The following ZC3H12B variants were observed in gnomAD, a reference collection of about 807,000 sequenced individuals.
ZC3H12B encodes the protein zinc finger CCCH-type containing 12B.
In ZC3H12B, 7 loss-of-function variants were observed where a neutral mutation model predicts 43.9. The observed-to-expected ratio is 0.16, with a 90% CI of 0.09 to 0.30. The LOEUF is 0.30. Among genes scored for constraint, ZC3H12B ranks in the 10% least tolerant of loss-of-function variants. ZC3H12B has a pLI of 1.00. For missense variants in ZC3H12B, 475 were observed against 670.2 expected (o/e 0.71, Z 3.22); for synonymous variants, 222 against 241.7 (o/e 0.92, Z 0.76).
chrX:65,243,402 A>G, the ZC3H12B span, among the ~76,000 whole-genome samples: 1 of 112,156 alleles, frequency 8.9e-6, no homozygotes, highest in Admixed American at 9.4e-5. Context: ...ATGCAAATGA[A>G]ACCCACAATG....
the ZC3H12B span, among the ~76,000 whole-genome samples, chrX:65,293,349 A>T: frequency 2.7e-5 from 3 of 110,877 alleles, no homozygotes; most frequent in African/African-American, 6.6e-5. Context: ...AAAAATCTGA[A>T]CAACAGCTCT....
the ZC3H12B span, among the ~76,000 whole-genome samples, chrX:65,060,991 GGTAGGTT>G: frequency 1.8e-5 from 2 of 110,864 alleles, no homozygotes; most frequent in South Asian, 7.7e-4. Flanking sequence ...TGTCAATCTT[GGTAGGTT>G]GTATATATCT....
chrX:65,128,517 GA>G, the ZC3H12B span, among the ~76,000 whole-genome samples: 1 of 111,783 alleles, frequency 8.9e-6, no homozygotes, highest in Non-Finnish European at 1.9e-5. Context: ...TGCATTGAAA[GA>G]ATGTGTATTC....
At chrX:65,474,011 G>T (rs2067960862) in intron 3 of ZC3H12B, among the ~76,000 whole-genome samples, 1 of 111,634 alleles carries the variant, frequency 9.0e-6, no homozygotes, top group Admixed American at 9.6e-5. Context: ...TTTCAAGCCA[G>T]ATGTTTCTTC....
intron 3 of ZC3H12B, among the ~76,000 whole-genome samples, chrX:65,416,981 A>G (rs2066970054): frequency 8.9e-6 from 1 of 111,801 alleles, no homozygotes; most frequent in African/African-American, 3.3e-5. Flanking sequence ...ATGATTTAGT[A>G]TATCTTGGGT....
At chrX:65,306,322 G>A in the ZC3H12B span, among the ~76,000 whole-genome samples, 1 of 112,120 alleles carries the variant, frequency 8.9e-6, no homozygotes, top group Admixed American at 9.4e-5. Context: ...TTACTAAAAT[G>A]TTAAATGTAC....
the ZC3H12B span, among the ~76,000 whole-genome samples, chrX:65,248,666 A>G: frequency 1.8e-5 from 2 of 111,809 alleles, no homozygotes; most frequent in African/African-American, 3.2e-5. Context: ...GCTGTTTTCC[A>G]TAGTGGTTTT....
the ZC3H12B span, among the ~76,000 whole-genome samples, chrX:65,299,025 G>A: frequency 1.8e-5 from 2 of 111,750 alleles, no homozygotes; most frequent in Non-Finnish European, 3.8e-5. Flanking sequence ...CCCTTGACAC[G>A]TGGGGATAAT....
chrX:65,455,199 A>G (rs1371020625), intron 3 of ZC3H12B, among the ~76,000 whole-genome samples: 1 of 112,106 alleles, frequency 8.9e-6, no homozygotes, highest in East Asian at 2.8e-4. Flanking sequence ...AGGAAGTTTG[A>G]ACCCATGGCA....
At chrX:65,149,471 G>C in the ZC3H12B span, among the ~76,000 whole-genome samples, 1 of 111,375 alleles carries the variant, frequency 9.0e-6, no homozygotes, top group Non-Finnish European at 1.9e-5. Flanking sequence ...ACTTTTAAAA[G>C]TAAAGTATTA....
At chrX:65,059,229 C>CCT in the ZC3H12B span, among the ~76,000 whole-genome samples, 61 of 86,292 alleles carry the variant, frequency 7.1e-4, no homozygotes, top group African/African-American at 2.5e-3. Context: ...ACCCCCCCCC[C>CCT]GCCCCAGTTT....
the ZC3H12B span, among the ~76,000 whole-genome samples, chrX:65,035,548 T>TG: frequency 1.8e-5 from 2 of 111,239 alleles, no homozygotes; most frequent in African/African-American, 6.6e-5. Flanking sequence ...TCACGCAGCC[T>TG]GATTCCTGAT....
At chrX:65,155,812 T>G in the ZC3H12B span, among the ~76,000 whole-genome samples, 1 of 110,484 alleles carries the variant, frequency 9.1e-6, no homozygotes, top group African/African-American at 3.3e-5. Context: ...GAGAGCATGA[T>G]CACATCACTG....
At chrX:65,388,484 A>G (rs1238956403) in intron 2 of ZC3H12B, among the ~76,000 whole-genome samples, 2 of 111,826 alleles carry the variant, frequency 1.8e-5, no homozygotes, top group African/African-American at 6.5e-5. Flanking sequence ...CTTGGTATTC[A>G]GCTCCATCAT....
the ZC3H12B span, among the ~76,000 whole-genome samples, chrX:65,316,487 G>A: frequency 3.6e-5 from 4 of 111,763 alleles, no homozygotes; most frequent in Non-Finnish European, 5.7e-5. Flanking sequence ...GAAGAGATTG[G>A]GGCCTATATT....
the ZC3H12B span, among the ~76,000 whole-genome samples, chrX:65,261,135 G>T: frequency 9.0e-6 from 1 of 111,475 alleles, no homozygotes; most frequent in Admixed American, 9.6e-5. Context: ...GATTAACATA[G>T]TTGCTAAGAC....
At chrX:65,356,101 A>G in the ZC3H12B span, among the ~76,000 whole-genome samples, 1 of 112,400 alleles carries the variant, frequency 8.9e-6, no homozygotes, top group Non-Finnish European at 1.9e-5. Flanking sequence ...TGAAATGGAT[A>G]GCAAGTGTGT....
the ZC3H12B span, among the ~76,000 whole-genome samples, chrX:65,336,093 A>T: frequency 8.9e-6 from 1 of 112,088 alleles, no homozygotes; most frequent in Non-Finnish European, 1.9e-5. Context: ...AGAAAGAAAA[A>T]TTCATACCAC....
At chrX:65,410,530 C>G (rs1222187265) in intron 3 of ZC3H12B, among the ~76,000 whole-genome samples, 2 of 111,399 alleles carry the variant, frequency 1.8e-5, no homozygotes, top group East Asian at 2.8e-4. Flanking sequence ...AAGAGACAAC[C>G]CACAGAATGG....
Sources: gnomAD v4.1 joint callset for allele counts (sites outside exome capture counted in the v4.1 genomes callset) on GRCh38, gnomAD v4.1.1 for gene constraint, MANE v1.5 for transcripts, NCBI Gene and HGNC (gene_info 2026-07-23, HGNC 2026-07-21) for gene names.